Variants in HDAC9 observed in about 807,000 individuals in gnomAD.
The protein encoded by HDAC9 is MEF-2 interacting transcription repressor (MITR) protein.
A neutral mutation model predicts 139.4 loss-of-function variants in HDAC9; 41 were observed. That is an observed-to-expected ratio of 0.29 (90% CI 0.23 to 0.38). The LOEUF (loss-of-function observed/expected upper bound fraction) is 0.38, where lower values mean the gene tolerates loss of function less well. Among genes scored for constraint, HDAC9 ranks in the 10% least tolerant of loss-of-function variants. The probability of loss-of-function intolerance (pLI) is 1.00; values close to 1 mark genes in which losing one functional copy is unlikely to be tolerated. For synonymous variants in HDAC9, 517 were observed against 476.2 expected (o/e 1.09, Z -1.12); for missense variants, 1,147 against 1,297.0 (o/e 0.88, Z 1.78).
intron 1 of HDAC9, among the ~76,000 whole-genome samples, chr7:18,337,101 T>C (rs190926959): frequency 6.6e-6 from 1 of 151,784 alleles, no homozygotes. Context: ...ATTGCAGTCA[T>C]TTGGAGAAAT....
At chr7:18,762,426 C>A in intron 15 of HDAC9, 149 bp downstream of exon 15, 1 of 748,310 alleles carries the variant, frequency 1.3e-6, no homozygotes, top group Non-Finnish European at 2.1e-6. Flanking sequence ...TCATTTGCAA[C>A]AGAAGCCATT....
Position 18,996,658 on chromosome 7 carries a change from G to C in HDAC9, c.*596G>C, listed in dbSNP as rs1786481265. ...GTTCCTAGTAAAAGTTCAAGATGGA[G>C]GAACTAGCATGAGGCTTTTTTCAGT... On this transcript the variant is annotated 3_prime_UTR_variant, in exon 26 of 26. Coordinates refer to ENST00000686413, the MANE Select transcript of HDAC9 (RefSeq NM_178425.4). 6.6e-6 allele frequency: 1 copy of C among 152,216 alleles called. No individual in the cohort carries two copies. The highest frequency in any genetic ancestry group is 2.4e-5 in the African/African-American group (1 of 41,424). 9.4% of individuals were successfully genotyped at this position (152,216 alleles called of 1,614,324 possible).
chr7:18,937,259 C>T lies in HDAC9; in HGVS notation c.2937+1317C>T, dbSNP rs1221572926. Among the ~76,000 whole-genome samples, 6 of 149,322 alleles carry T rather than the reference C, an allele frequency of 4.0e-5. No homozygotes were observed. The East Asian group carries it at 1.2e-3, about 29-fold the overall frequency. On this transcript the variant is annotated intron_variant, in intron 23 of 25. Transcript: ENST00000686413. ...TTCACCATGTTGGCTAGGCTGGTCT[C>T]GAACTCCTGACCTCGTGATCTGCCC... is the stretch of plus-strand genomic sequence containing the variant.
At chr7:18,122,676 C>T (rs1486362542) in intron 1 of HDAC9, among the ~76,000 whole-genome samples, 1 of 152,102 alleles carries the variant, frequency 6.6e-6, no homozygotes, top group Non-Finnish European at 1.5e-5. Context: ...TGGAATGCAA[C>T]AGCATGATCT....
At chr7:18,163,544 G>T (rs1245636779) in intron 2 of HDAC9, among the ~76,000 whole-genome samples, 1 of 152,160 alleles carries the variant, frequency 6.6e-6, no homozygotes, top group African/African-American at 2.4e-5. Context: ...CCTTGACAAT[G>T]CTGTTGCTGC....
At chr7:18,474,426 A>C (rs931266440) in intron 1 of HDAC9, among the ~76,000 whole-genome samples, 2 of 152,208 alleles carry the variant, frequency 1.3e-5, no homozygotes, top group African/African-American at 4.8e-5. Flanking sequence ...CACAATAATC[A>C]CTAGGGTAGG....
chr7:18,360,276 A>G (rs1452422255), intron 1 of HDAC9, among the ~76,000 whole-genome samples: 4 of 152,092 alleles, frequency 2.6e-5, no homozygotes, highest in African/African-American at 4.8e-5. Context: ...TTGTGCCATC[A>G]TTTTTCTAGT....
At chr7:18,527,446 A>G (rs954795952) in intron 2 of HDAC9, among the ~76,000 whole-genome samples, 7 of 152,190 alleles carry the variant, frequency 4.6e-5, no homozygotes, top group Admixed American at 3.9e-4. Context: ...TGTCTGGGTA[A>G]TATCTCAGAA....
chr7:18,890,288 T>C (rs1432046180), intron 22 of HDAC9, among the ~76,000 whole-genome samples: 1 of 152,224 alleles, frequency 6.6e-6, no homozygotes, highest in Admixed American at 6.5e-5. Flanking sequence ...CAGTTCTAGA[T>C]CTGTGTTTTG....
At chr7:18,206,166 C>G (rs939329888) in intron 2 of HDAC9, among the ~76,000 whole-genome samples, 3 of 152,006 alleles carry the variant, frequency 2.0e-5, no homozygotes, top group Non-Finnish European at 2.9e-5. Flanking sequence ...GTCATGGAAA[C>G]CTGTGACTGA....
chr7:18,934,965 C>T (rs1781521618), intron 22 of HDAC9, among the ~76,000 whole-genome samples: 1 of 151,924 alleles, frequency 6.6e-6, no homozygotes, highest in Non-Finnish European at 1.5e-5. Context: ...GCCTACTAGA[C>T]AGCAAAAAAA....
chr7:18,773,623 A>G (rs2129166268), intron 16 of HDAC9, among the ~76,000 whole-genome samples: 2 of 152,202 alleles, frequency 1.3e-5, no homozygotes, highest in South Asian at 4.1e-4. Flanking sequence ...ATTTGAAAAT[A>G]TGATCATCTA....
intron 1 of HDAC9, among the ~76,000 whole-genome samples, chr7:18,129,972 A>G (rs141367341): frequency 2.9e-4 from 44 of 152,236 alleles, no homozygotes; most frequent in African/African-American, 8.4e-4. Flanking sequence ...AGAGAGATCT[A>G]CTCTTGACGA....
chr7:18,334,505 C>A (rs1781442173), intron 1 of HDAC9, among the ~76,000 whole-genome samples: 1 of 151,276 alleles, frequency 6.6e-6, no homozygotes, highest in South Asian at 2.1e-4. Context: ...TTGTCAAATG[C>A]CAGAGGCATT....
intron 1 of HDAC9, among the ~76,000 whole-genome samples, chr7:18,303,659 G>A (rs1798718806): frequency 6.6e-6 from 1 of 152,140 alleles, no homozygotes; most frequent in Non-Finnish European, 1.5e-5. Flanking sequence ...CAGTGCCTAA[G>A]CACGTGGCTG....
intron 1 of HDAC9, among the ~76,000 whole-genome samples, chr7:18,350,895 G>T (rs1409256566): frequency 1.3e-5 from 2 of 152,082 alleles, no homozygotes; most frequent in Non-Finnish European, 2.9e-5. Context: ...TTTCCCAGGG[G>T]CCTTCTAGTT....
At chr7:18,247,895 AC>A (rs1380561890) in intron 2 of HDAC9, among the ~76,000 whole-genome samples, 26 of 152,320 alleles carry the variant, frequency 1.7e-4, no homozygotes, top group African/African-American at 6.3e-4. Flanking sequence ...ACTTTTAAAA[AC>A]TATCCTGTAA....
intron 22 of HDAC9, among the ~76,000 whole-genome samples, chr7:18,906,091 C>T (rs146224502): frequency 1.3e-5 from 2 of 150,988 alleles, no homozygotes; most frequent in African/African-American, 4.9e-5. Flanking sequence ...GACCCATAAC[C>T]TCTGCTTCTA....
intron 1 of HDAC9, among the ~76,000 whole-genome samples, chr7:18,466,801 T>A (rs1054822489): frequency 1.2e-4 from 19 of 152,214 alleles, no homozygotes; most frequent in Admixed American, 7.2e-4. Context: ...AAATTCTGCC[T>A]GCCACAATCT....
Sources: allele counts gnomAD v4.1 joint callset (sites outside exome capture counted in the v4.1 genomes callset), GRCh38; gene constraint gnomAD v4.1.1; transcripts MANE v1.5; gene names NCBI Gene and HGNC (gene_info 2026-07-23, HGNC 2026-07-21).